Variants in RPS26 observed in about 807,000 individuals in gnomAD.
RPS26 encodes the protein ribosomal protein S26, also known as small ribosomal subunit protein eS26.
A neutral mutation model predicts 14.7 loss-of-function variants in RPS26; 1 was observed. The ratio of observed to expected loss-of-function variants is 0.07; its 90% CI spans 0.02 to 0.32. The LOEUF is 0.32. RPS26 is among the 10% of genes least tolerant of loss of function. RPS26 has a pLI of 1.00. For missense variants in RPS26, 63 were observed against 157.7 expected (o/e 0.40, Z 3.22); for synonymous variants, 59 against 53.1 (o/e 1.11, Z -0.48).
chr12:56,044,063 A>T (rs1199572100), intron 3 of RPS26, 56 bp from the exon 4 acceptor site: 1 of 1,464,590 alleles, frequency 6.8e-7, no homozygotes, highest in Non-Finnish European at 9.6e-7. Context: ...TCTTTGGGGG[A>T]AGGGAGTCTT....
Position 56,043,570 on chromosome 12 carries a change from T to C in RPS26, c.312+77T>C, listed in dbSNP as rs80289571. 7.7e-5 allele frequency: 112 copies of C among 1,459,984 alleles called. No homozygotes were observed. In the East Asian group the frequency reaches 2.1e-3, roughly 28 times the overall value. The allele number at this position is 1,459,984 out of a possible 1,614,324, so 90.4% of individuals were successfully genotyped here. On this transcript the variant is annotated intron_variant, in intron 3 of 3. Coordinates refer to ENST00000646449, the MANE Select transcript of RPS26 (RefSeq NM_001029.5). ...CATCCTGGAGGGTCAGGGTGTCCTATACCTGTAACCTCAACACTTTGGGAG... is the reference window on the plus strand; with the variant it reads ...CATCCTGGAGGGTCAGGGTGTCCTACACCTGTAACCTCAACACTTTGGGAG...
At chr12:56,043,811 T>TAA (rs111473859) in intron 3 of RPS26, among the ~76,000 whole-genome samples, 35 of 144,062 alleles carry the variant, frequency 2.4e-4, no homozygotes, top group African/African-American at 7.3e-4. Context: ...CCTTGTCTCT[T>TAA]AAAAAAAAAA....
Position 56,044,343 on chromosome 12 carries a change from T to TTA in RPS26, c.*190_*191insAT. On this transcript the variant is annotated 3_prime_UTR_variant, in exon 4 of 4. Coordinates refer to ENST00000646449, the MANE Select transcript of RPS26 (RefSeq NM_001029.5). ...AGCTTATTCATGTAATTTAATTTTT[T>TTA]TCTTTTTTTTTTTTTTTTTTTTGAG... 6 of 519,676 alleles carry TTA rather than the reference T, an allele frequency of 1.2e-5. No homozygotes were observed. Among genetic ancestry groups the TTA allele is most frequent in the Non-Finnish European group, 1.6e-5 (5 of 305,438 alleles). 32.2% of individuals were successfully genotyped at this position (519,676 alleles called of 1,614,324 possible).
Position 56,044,437 on chromosome 12 carries a change from G to A in RPS26, c.*283G>A, listed in dbSNP as rs929246599. The A allele has an allele frequency of 5.7e-6, 2 of 350,610 alleles. No homozygotes were observed. The highest frequency in any genetic ancestry group is 3.1e-5 in the South Asian group (1 of 31,768). 21.7% of individuals were successfully genotyped at this position (350,610 alleles called of 1,614,324 possible). A position where few individuals can be genotyped will look rare whatever the true frequency, so the allele number is the denominator to read the frequency against. ...CAGCTCACTGCAACCTCCGTCTCCC[G>A]GGTTCAAGTGATTCTCCTGCCTCAG... On this transcript the variant is annotated 3_prime_UTR_variant, in exon 4 of 4. Transcript: ENST00000646449.
chr12:56,043,348 T>G lies in RPS26; in HGVS notation c.182-15T>G. 2.5e-6 allele frequency: 4 copies of G among 1,610,726 alleles called. 1 individual carries two copies. The highest frequency in any genetic ancestry group is 3.4e-6 in the Non-Finnish European group (4 of 1,178,752). On this transcript the variant is annotated splice_polypyrimidine_tract_variant and intron_variant, in intron 2 of 3. Transcript: ENST00000646449. The stretch of plus-strand genomic sequence containing the variant: ...GGTATATAATACCAGTATAACTCTA[T>G]TTTCTATTCCTTAGCCTATGTGCTT...
rs1895920679 is a variant in RPS26, at chr12:56,043,542, T to A, written c.312+49T>A. 3.7e-6 allele frequency: 6 copies of A among 1,607,256 alleles called. No individual in the cohort carries two copies. The South Asian group carries it at 5.5e-5, about 15-fold the overall frequency. On this transcript the variant is annotated intron_variant, in intron 3 of 3. Coordinates refer to ENST00000646449, the MANE Select transcript of RPS26 (RefSeq NM_001029.5). ...GAAGCCAGGGGAGTGATGGTTAAAA[T>A]TTCATCCTGGAGGGTCAGGGTGTCC...
At chr12:56,043,811 TA>T (rs111473859) in intron 3 of RPS26, among the ~76,000 whole-genome samples, 353 of 143,606 alleles carry the variant, frequency 2.5e-3, no homozygotes, top group Admixed American at 2.9e-3. Flanking sequence ...CCTTGTCTCT[TA>T]AAAAAAAAAA....
rs1428875643 is a variant in RPS26, at chr12:56,044,189, T to A, written c.*35T>A. The A allele has an allele frequency of 6.7e-7, 1 of 1,502,228 alleles. No homozygotes were observed. Among genetic ancestry groups the A allele is most frequent in the South Asian group, 1.1e-5 (1 of 88,794 alleles). 93.1% of individuals were successfully genotyped at this position (1,502,228 alleles called of 1,614,324 possible). On this transcript the variant is annotated 3_prime_UTR_variant, in exon 4 of 4. Coordinates refer to ENST00000646449, the MANE Select transcript of RPS26 (RefSeq NM_001029.5). ...TTCTTAAAGACTGAAGACAGGCTAT[T>A]CTCTGGAGAAAAATAAAATGGAAAT... is the stretch of plus-strand genomic sequence containing the variant.
intron 3 of RPS26, 67 bp downstream of exon 3, chr12:56,043,560 G>A (rs1219898892): frequency 6.4e-7 from 1 of 1,554,982 alleles, no homozygotes; most frequent in Non-Finnish European, 8.9e-7. Context: ...TGGAGGGTCA[G>A]GGTGTCCTAT....
chr12:56,043,562 G>C (rs1895921226), intron 3 of RPS26, 69 bp downstream of exon 3: 4 of 1,536,218 alleles, frequency 2.6e-6, no homozygotes, highest in African/African-American at 1.4e-5. Flanking sequence ...GAGGGTCAGG[G>C]TGTCCTATAC....
chr12:56,044,003 A>C, intron 3 of RPS26, 116 bp from the exon 4 acceptor site: 2 of 890,244 alleles, frequency 2.2e-6, no homozygotes, highest in Admixed American at 1.7e-5. Flanking sequence ...TCAGCTTCCC[A>C]TGCATTTGTA....
rs1131017 is a variant in RPS26 at position 56,042,145 on chromosome 12, C to G, written c.-22C>G. ...AGGGCCCTGCCAGGCACCGTCTCCT[C>G]TCTCCGGTCCGTGCCTCCAAGATGG... On this transcript the variant is annotated 5_prime_UTR_variant, in exon 1 of 4. Coordinates refer to ENST00000646449, the MANE Select transcript of RPS26 (RefSeq NM_001029.5). 0.58 allele frequency: 935,983 copies of G among 1,612,112 alleles called. 280,041 individuals are homozygous for G. The highest frequency in any genetic ancestry group is 0.79 in the East Asian group (35,610 of 44,852).
rs1198115345 is a variant in RPS26 at position 56,043,635 on chromosome 12, C to T, written c.312+142C>T. 7 of 818,082 alleles carry T rather than the reference C, an allele frequency of 8.6e-6. No homozygotes were observed. In the East Asian group the frequency reaches 1.9e-4, roughly 22 times the overall value. The allele number at this position is 818,082 out of a possible 1,614,324, so 50.7% of individuals were successfully genotyped here. A position where few individuals can be genotyped will look rare whatever the true frequency, so the allele number is the denominator to read the frequency against. The stretch of plus-strand genomic sequence containing the variant: ...ATTGCTAGAAACCAGCAGTTCAAGA[C>T]CCCATCTCTTCAAAAAATATTGAGA... On this transcript the variant is annotated intron_variant, in intron 3 of 3. Transcript: ENST00000646449.
rs201248213 is a variant in RPS26, at chr12:56,042,173, A to G, written c.3+4A>G. On this transcript the variant is annotated splice_donor_region_variant and intron_variant, in intron 1 of 3. Transcript: ENST00000646449. ...TCCGGTCCGTGCCTCCAAGATGGTG[A>G]GTCTTCTTGCGTGGTGAGGGTGGGG... The G allele has an allele frequency of 2.5e-6, 4 of 1,613,926 alleles. No homozygotes were observed. Among genetic ancestry groups the G allele is most frequent in the African/African-American group, 1.3e-5 (1 of 74,936 alleles).
rs1300781392 is a variant in RPS26, at chr12:56,043,394, A to G, written c.213A>G (p.Leu71=). 6.8e-6 allele frequency: 11 copies of G among 1,611,986 alleles called. No homozygotes were observed. Among genetic ancestry groups the G allele is most frequent in the Admixed American group, 3.3e-5 (2 of 59,996 alleles). Residue 71 remains leucine (L), a synonymous_variant, in exon 3 of 4, where the codon CTA becomes CTG. Coordinates refer to ENST00000646449, the MANE Select transcript of RPS26 (RefSeq NM_001029.5). ...AYVLPKLYVK[L]HYCVSCAIHS... ...TGCTTCCCAAGCTGTATGTGAAGCT[A>G]CATTACTGTGTGAGTTGTGCAATTC... is the stretch of plus-strand genomic sequence containing the variant.
chr12:56,042,398 C>T, intron 1 of RPS26, 27 bp from the exon 2 acceptor site: 2 of 1,612,932 alleles, frequency 1.2e-6, no homozygotes, highest in Non-Finnish European at 1.7e-6. Flanking sequence ...GCGCCGTTTT[C>T]CTAACAGTTT....
rs776240183 is a variant in RPS26, at chr12:56,043,388, G to C, written c.207G>C (p.Val69=). ...FDAYVLPKLY[V]KLHYCVSCAI... is the part of the protein sequence containing the mutation. ...CCTATGTGCTTCCCAAGCTGTATGT[G>C]AAGCTACATTACTGTGTGAGTTGTG... is the stretch of plus-strand genomic sequence containing the variant. The change falls in exon 3 of 4, where the codon GTG becomes GTC. Residue 69 remains valine, a synonymous_variant. Coordinates refer to ENST00000646449, the MANE Select transcript of RPS26 (RefSeq NM_001029.5). 6 of 1,611,820 alleles carry C rather than the reference G, an allele frequency of 3.7e-6. No homozygotes were observed. The highest frequency in any genetic ancestry group is 2.1e-4 in the Middle Eastern group (1 of 4,824).
At position 56,043,363 on chromosome 12, in the gene RPS26, C is replaced by T; in HGVS notation, c.182C>T (p.Ala61Val). 1 of 1,611,364 alleles carries T rather than the reference C, an allele frequency of 6.2e-7. No individual in the cohort carries two copies. Among genetic ancestry groups the T allele is most frequent in the Non-Finnish European group, 8.5e-7 (1 of 1,179,280 alleles). Residue 61 changes from alanine to valine, a missense_variant and splice_region_variant, in exon 3 of 4, where the codon GCC (alanine) becomes GTC (valine). Coordinates refer to ENST00000646449, the MANE Select transcript of RPS26 (RefSeq NM_001029.5). ...RDISEASVFDAYVLPKLYVKL... is the reference protein window; with the variant it reads ...RDISEASVFDVYVLPKLYVKL... ...TATAACTCTATTTTCTATTCCTTAG[C>T]CTATGTGCTTCCCAAGCTGTATGTG...
chr12:56,042,640 A>C, intron 2 of RPS26, 38 bp downstream of exon 2: 4 of 1,562,314 alleles, frequency 2.6e-6, no homozygotes, highest in Non-Finnish European at 3.5e-6. Context: ...TGAGGATCCC[A>C]GTATCTTAAA....
Sources: allele counts gnomAD v4.1 joint callset (sites outside exome capture counted in the v4.1 genomes callset), GRCh38; gene constraint gnomAD v4.1.1; transcripts MANE v1.5; gene names NCBI Gene and HGNC (gene_info 2026-07-23, HGNC 2026-07-21).